Variants in SCG5 observed in about 807,000 individuals in gnomAD.
SCG5 encodes the protein secretogranin V, also known as neuroendocrine protein 7B2.
A neutral mutation model predicts 25.7 loss-of-function variants in SCG5; 18 were observed. The observed-to-expected ratio is 0.70, with a 90% confidence interval of 0.48 to 1.04. The LOEUF (loss-of-function observed/expected upper bound fraction) is 1.04, where lower values mean the gene tolerates loss of function less well. Ranked by LOEUF, SCG5 falls within the 50% of genes least tolerant of loss-of-function variation. The pLI is 0.00. For synonymous variants in SCG5, 101 were observed against 91.7 expected (o/e 1.10, Z -0.58); for missense variants, 206 against 259.8 (o/e 0.79, Z 1.42).
At chr15:32,676,585 C>G (rs1260508899) in intron 2 of SCG5, among the ~76,000 whole-genome samples, 1 of 152,126 alleles carries the variant, frequency 6.6e-6, no homozygotes, top group Non-Finnish European at 1.5e-5. Flanking sequence ...ATATGTCTAA[C>G]CTTTGCATCT....
chr15:32,669,494 G>A (rs2140544253), intron 2 of SCG5, among the ~76,000 whole-genome samples: 1 of 152,144 alleles, frequency 6.6e-6, no homozygotes, highest in South Asian at 2.1e-4. Context: ...CCTCAGCTAA[G>A]CCATATAATT....
chr15:32,688,958 C>CAAA (rs778404784), intron 4 of SCG5, among the ~76,000 whole-genome samples: 1 of 46,388 alleles, frequency 2.2e-5, no homozygotes, highest in Non-Finnish European at 5.8e-5. Flanking sequence ...GACTCCGTCT[C>CAAA]AAAAAAAAAA....
chr15:32,694,502 C>T (rs953464101), intron 5 of SCG5, among the ~76,000 whole-genome samples: 1 of 152,168 alleles, frequency 6.6e-6, no homozygotes, highest in Admixed American at 6.5e-5. Context: ...AGTTTATGAA[C>T]CTTTTAATCT....
chr15:32,646,746 T>G (rs1014277527), intron 2 of SCG5, among the ~76,000 whole-genome samples: 18 of 152,212 alleles, frequency 1.2e-4, no homozygotes, highest in Non-Finnish European at 2.6e-4. Flanking sequence ...TTGAATTTGT[T>G]GGGTGGTCTG....
chr15:32,647,974 A>T (rs1018577588), intron 2 of SCG5, among the ~76,000 whole-genome samples: 2 of 151,594 alleles, frequency 1.3e-5, no homozygotes, highest in Non-Finnish European at 2.9e-5. Flanking sequence ...CTCTCAATCC[A>T]TTTCTTGGCT....
chr15:32,677,337 G>A (rs551785622), intron 2 of SCG5, among the ~76,000 whole-genome samples: 2 of 152,306 alleles, frequency 1.3e-5, no homozygotes, highest in Non-Finnish European at 2.9e-5. Context: ...AATCAACACA[G>A]CACACAAAGC....
chr15:32,685,690 G>C (rs1218762321), intron 4 of SCG5, among the ~76,000 whole-genome samples: 1 of 152,248 alleles, frequency 6.6e-6, no homozygotes, highest in Non-Finnish European at 1.5e-5. Context: ...AACAAGATCA[G>C]AACTGAGTGG....
At chr15:32,683,639 G>A (rs2054654759) in intron 3 of SCG5, among the ~76,000 whole-genome samples, 1 of 152,138 alleles carries the variant, frequency 6.6e-6, no homozygotes, top group African/African-American at 2.4e-5. Flanking sequence ...CAATCCCGTA[G>A]GTAAGTATTT....
At chr15:32,662,705 A>G (rs2054239638) in intron 2 of SCG5, among the ~76,000 whole-genome samples, 1 of 152,108 alleles carries the variant, frequency 6.6e-6, no homozygotes, top group Admixed American at 6.5e-5. Flanking sequence ...GATCACCTCA[A>G]CTATAGAATT....
intron 4 of SCG5, among the ~76,000 whole-genome samples, chr15:32,687,625 CAG>C (rs2054740916): frequency 1.3e-5 from 2 of 152,204 alleles, no homozygotes; most frequent in South Asian, 4.1e-4. Flanking sequence ...TTTAAGTTAA[CAG>C]AGTCATCATC....
chr15:32,664,262 C>T (rs1354992842), intron 2 of SCG5, among the ~76,000 whole-genome samples: 1 of 152,134 alleles, frequency 6.6e-6, no homozygotes, highest in African/African-American at 2.4e-5. Flanking sequence ...AGTAGTGTAG[C>T]CAGCACCAGG....
intron 2 of SCG5, among the ~76,000 whole-genome samples, chr15:32,659,323 C>T (rs2054179117): frequency 6.6e-6 from 1 of 152,142 alleles, no homozygotes; most frequent in Non-Finnish European, 1.5e-5. Flanking sequence ...GGTGATTGTT[C>T]ACTTGGACAT....
chr15:32,671,437 T>C (rs1399223966), intron 2 of SCG5, among the ~76,000 whole-genome samples: 2 of 152,234 alleles, frequency 1.3e-5, no homozygotes, highest in East Asian at 3.9e-4. Context: ...AAATATGAAG[T>C]TCCACCCTCA....
At position 32,696,267 on chromosome 15, in the gene SCG5, A is replaced by G. The variant is rs571783781; in HGVS notation, c.544-247A>G. Among the ~76,000 whole-genome samples, 2,433 of 152,032 alleles carry G rather than the reference A, an allele frequency of 0.016. 47 individuals are homozygous for G. Among genetic ancestry groups the G allele is most frequent in the African/African-American group, 0.04 (1,648 of 41,458 alleles). On this transcript the variant is annotated intron_variant, in intron 5 of 5. Coordinates refer to ENST00000300175, the MANE Select transcript of SCG5 (RefSeq NM_001144757.3). The stretch of plus-strand genomic sequence containing the variant: ...CAAGTAGCTGGGACTACAGGCACCC[A>G]CCACCACGCCCGGCTAATTTTTTGT...
At chr15:32,686,908 AG>A (rs1238139046) in intron 4 of SCG5, among the ~76,000 whole-genome samples, 3 of 152,212 alleles carry the variant, frequency 2.0e-5, no homozygotes, top group Non-Finnish European at 4.4e-5. Context: ...GGCAATTATT[AG>A]GGAAGATGGA....
chr15:32,674,768 T>C (rs564869769), intron 2 of SCG5, among the ~76,000 whole-genome samples: 2 of 152,204 alleles, frequency 1.3e-5, no homozygotes, highest in African/African-American at 4.8e-5. Flanking sequence ...CCCAGCTGAA[T>C]TGCCAACCTC....
intron 2 of SCG5, among the ~76,000 whole-genome samples, chr15:32,657,132 A>G (rs937980116): frequency 7.2e-6 from 1 of 138,554 alleles, no homozygotes; most frequent in Admixed American, 7.7e-5. Context: ...TATTTTGGAA[A>G]GTATAAAATG....
At chr15:32,671,569 A>G (rs2054424263) in intron 2 of SCG5, among the ~76,000 whole-genome samples, 1 of 152,050 alleles carries the variant, frequency 6.6e-6, no homozygotes, top group Admixed American at 6.6e-5. Context: ...CGTGTGGTGG[A>G]ACTGCCTGAG....
chr15:32,650,054 TCAA>T (rs1353671153), intron 2 of SCG5, among the ~76,000 whole-genome samples: 5 of 152,220 alleles, frequency 3.3e-5, no homozygotes, highest in African/African-American at 9.6e-5. Flanking sequence ...TTGTGGATTA[TCAA>T]CAACATGTTT....
Sources: allele counts gnomAD v4.1 joint callset (sites outside exome capture counted in the v4.1 genomes callset), GRCh38; gene constraint gnomAD v4.1.1; transcripts MANE v1.5; gene names NCBI Gene and HGNC (gene_info 2026-07-23, HGNC 2026-07-21).